SLC4A4: variants seen among roughly 807,000 people sequenced by gnomAD.
SLC4A4 encodes the protein solute carrier family 4 member 4.
SLC4A4 carries 27 observed loss-of-function variants against 111.5 expected under a neutral mutation model. That is an observed-to-expected ratio of 0.24 (90% confidence interval 0.18 to 0.33). SLC4A4 has a LOEUF of 0.33. SLC4A4 is among the 10% of genes least tolerant of loss of function. The pLI is 1.00. For missense variants in SLC4A4, 909 were observed against 1,315.5 expected (o/e 0.69, Z 4.78); for synonymous variants, 443 against 463.4 (o/e 0.96, Z 0.57).
chr4:71,313,193 A>AATTGC (rs1252609862), intron 3 of SLC4A4, among the ~76,000 whole-genome samples: 4 of 152,234 alleles, frequency 2.6e-5, no homozygotes, highest in African/African-American at 9.6e-5. Context: ...TACAAAGAGA[A>AATTGC]TAAAATACCG....
intron 6 of SLC4A4, among the ~76,000 whole-genome samples, chr4:71,361,403 G>A (rs1048299917): frequency 6.6e-6 from 1 of 152,110 alleles, no homozygotes; most frequent in African/African-American, 2.4e-5. Context: ...AATAAATCAG[G>A]GAACAGTGAG....
chr4:71,417,855 C>T (rs1335698078), intron 7 of SLC4A4, among the ~76,000 whole-genome samples: 5 of 151,970 alleles, frequency 3.3e-5, no homozygotes, highest in Non-Finnish European at 5.9e-5. Context: ...ATGGTTTCAC[C>T]GTATAGTGAA....
At chr4:71,087,211 C>T (rs1371686342) in intron 1 of SLC4A4, among the ~76,000 whole-genome samples, 1 of 151,958 alleles carries the variant, frequency 6.6e-6, no homozygotes, top group East Asian at 1.9e-4. Flanking sequence ...TTACAGTATT[C>T]TCTGATGGTA....
Position 71,091,191 on chromosome 4 carries a change from A to G in SLC4A4, c.-64-1539A>G, listed in dbSNP as rs182144466. On this transcript the variant is annotated intron_variant, in intron 1 of 26. Coordinates refer to the SLC4A4 transcript ENST00000649996. ...TTGAACTCCTGGCCTCAGGTGATCC[A>G]CCCACCTTGGCCTTTCAAAGCATTG... is the stretch of plus-strand genomic sequence containing the variant. 1.2e-3 allele frequency among the ~76,000 whole-genome samples: 175 copies of G among 151,042 alleles called. 1 individual carries two copies. Among genetic ancestry groups the G allele is most frequent in the African/African-American group, 4.1e-3 (170 of 41,100 alleles).
At chr4:71,475,120 T>A (rs562160649) in intron 14 of SLC4A4, among the ~76,000 whole-genome samples, 1 of 151,852 alleles carries the variant, frequency 6.6e-6, no homozygotes, top group African/African-American at 2.4e-5. Context: ...TATTTACGAC[T>A]TCTTAGGCAG....
rs59003609 is a variant in SLC4A4 at position 71,168,621 on chromosome 4, T to C, written c.-1-67955T>C. On this transcript the variant is annotated intron_variant, in intron 2 of 26. Transcript: ENST00000649996. ...TCCCCCACCACCCCCACTACCCTTT[T>C]CATCCTCTGGTAACCATCCTTCTAC... Among the ~76,000 whole-genome samples, 1,506 of 152,090 alleles carry C rather than the reference T, an allele frequency of 9.9e-3. 30 individuals carry two copies. Among genetic ancestry groups the C allele is most frequent in the African/African-American group, 0.034 (1,429 of 41,438 alleles).
chr4:71,312,860 C>G (rs1249494713), intron 3 of SLC4A4, among the ~76,000 whole-genome samples: 1 of 152,122 alleles, frequency 6.6e-6, no homozygotes, highest in Non-Finnish European at 1.5e-5. Context: ...TGAAAACTGG[C>G]ACAAGACAAG....
At chr4:71,232,233 T>A (rs958298950) in intron 1 of SLC4A4, among the ~76,000 whole-genome samples, 1 of 152,170 alleles carries the variant, frequency 6.6e-6, no homozygotes, top group Admixed American at 6.5e-5. Context: ...GAATGTGAAA[T>A]ATGCATCAAA....
At chr4:71,300,778 AC>A (rs1259497553) in intron 3 of SLC4A4, 1 of 354,104 alleles carries the variant, frequency 2.8e-6, no homozygotes, top group Non-Finnish European at 5.7e-6. Context: ...TGGATAGCAG[AC>A]CCCCGCAGCC....
chr4:71,075,957 C>CTAAATAAATAAA (rs66711227), intron 1 of SLC4A4, among the ~76,000 whole-genome samples: 2,272 of 140,232 alleles, frequency 0.016, 29 homozygotes, highest in Non-Finnish European at 0.022. Flanking sequence ...GACTCCATCT[C>CTAAATAAATAAA]TAAATAAATA....
At chr4:71,420,148 G>A (rs1722293533) in intron 7 of SLC4A4, among the ~76,000 whole-genome samples, 1 of 152,214 alleles carries the variant, frequency 6.6e-6, no homozygotes, top group Admixed American at 6.5e-5. Flanking sequence ...TAAAGGAGCT[G>A]ATGGAGCTGA....
chr4:71,447,588 G>A, intron 8 of SLC4A4, 58 bp from the exon 9 acceptor site: 1 of 1,033,438 alleles, frequency 9.7e-7, no homozygotes. Context: ...TCAGTTTTAT[G>A]TATGTTGAGT....
At chr4:71,140,023 G>A (rs1037163215) in intron 2 of SLC4A4, among the ~76,000 whole-genome samples, 1 of 152,098 alleles carries the variant, frequency 6.6e-6, no homozygotes, top group Non-Finnish European at 1.5e-5. Flanking sequence ...GATGGTCAAG[G>A]TGCTTAATTT....
At chr4:71,154,661 T>C (rs764078096) in intron 2 of SLC4A4, among the ~76,000 whole-genome samples, 3 of 152,250 alleles carry the variant, frequency 2.0e-5, no homozygotes, top group Middle Eastern at 6.8e-3. Context: ...ATATTGTAAG[T>C]ATTAACACCT....
intron 15 of SLC4A4, among the ~76,000 whole-genome samples, chr4:71,491,636 G>C (rs1729920997): frequency 1.3e-5 from 2 of 151,762 alleles, no homozygotes; most frequent in Non-Finnish European, 2.9e-5. Flanking sequence ...GAGCTGCCGG[G>C]ATAGGCTCTG....
rs1735526294 is a variant in SLC4A4 at position 71,546,413 on chromosome 4, A to T, written c.2506A>T (p.Met836Leu). Reference protein sequence around the residue: ...VAILMVICSLMALPWYVAATV... With the variant: ...VAILMVICSLLALPWYVAATV... ...CATCCTCATGGTTATATGCTCCCTC[A>T]TGGCTCTTCCGTGGTATGTAGCTGC... The change falls in exon 19 of 26, where the codon ATG becomes TTG. Residue 836 changes from methionine (M) to leucine (L), a missense_variant. Physicochemically the swap from Met to Leu is conservative, Grantham distance 15 (BLOSUM62 2). Transcript: ENST00000264485. The T allele has an allele frequency of 6.2e-7, 1 of 1,612,730 alleles. No homozygotes were observed.
At chr4:71,421,307 C>T (rs936157829) in intron 7 of SLC4A4, among the ~76,000 whole-genome samples, 24 of 152,024 alleles carry the variant, frequency 1.6e-4, no homozygotes, top group Non-Finnish European at 2.4e-4. Context: ...ATATATGCAC[C>T]CAATACAGGA....
intron 2 of SLC4A4, among the ~76,000 whole-genome samples, chr4:71,181,122 AC>A (rs1171786736): frequency 6.7e-6 from 1 of 150,184 alleles, no homozygotes; most frequent in Non-Finnish European, 1.5e-5. Context: ...AGGACAAAAA[AC>A]CAAACACCGC....
chr4:71,284,651 C>T (rs1665329323), intron 3 of SLC4A4, among the ~76,000 whole-genome samples: 1 of 152,210 alleles, frequency 6.6e-6, no homozygotes, highest in African/African-American at 2.4e-5. Context: ...TATATTACTT[C>T]TTCAAGGTGA....
Sources: allele counts gnomAD v4.1 joint callset (sites outside exome capture counted in the v4.1 genomes callset), GRCh38; gene constraint gnomAD v4.1.1; transcripts MANE v1.5; gene names NCBI Gene and HGNC (gene_info 2026-07-23, HGNC 2026-07-21).